SGCZ: variants seen among roughly 807,000 people sequenced by gnomAD.
The protein encoded by SGCZ is sarcoglycan zeta.
SGCZ carries 40 observed loss-of-function variants against 41.3 expected under a neutral mutation model. The ratio of observed to expected loss-of-function variants is 0.97; its 90% CI spans 0.75 to 1.26. SGCZ has a LOEUF of 1.26. Among genes scored for constraint, SGCZ ranks in the 50% most tolerant of loss-of-function variants. SGCZ has a pLI of 0.00. For synonymous variants in SGCZ, 206 were observed against 137.5 expected, an observed-to-expected ratio of 1.50 and a Z score of -3.49; for missense variants, 552 against 369.8, an observed-to-expected ratio of 1.49 and a Z score of -4.04.
At chr8:15,103,296 G>A (rs1463867046) in intron 1 of SGCZ, among the ~76,000 whole-genome samples, 1 of 152,100 alleles carries the variant, frequency 6.6e-6, no homozygotes, top group Admixed American at 6.5e-5. Flanking sequence ...AGCTACTGGG[G>A]AGGCTGAGGC....
chr8:14,342,319 CT>C (rs943224546), intron 2 of SGCZ, among the ~76,000 whole-genome samples: 6 of 151,344 alleles, frequency 4.0e-5, no homozygotes, highest in African/African-American at 1.2e-4. Context: ...GAAGAAATTT[CT>C]TTTTTTTTCT....
chr8:14,775,501 ACACAGGGGG>A (rs1800376458), intron 1 of SGCZ, among the ~76,000 whole-genome samples: 1 of 143,016 alleles, frequency 7.0e-6, no homozygotes, highest in East Asian at 2.0e-4. Flanking sequence ...GTGTGTGTGT[ACACAGGGGG>A]GAATAGAGAT....
intron 1 of SGCZ, among the ~76,000 whole-genome samples, chr8:14,726,067 G>T (rs769640133): frequency 6.6e-5 from 10 of 151,698 alleles, no homozygotes; most frequent in Non-Finnish European, 1.0e-4. Context: ...GACCATCCTG[G>T]CTAACACTGT....
At chr8:14,434,942 G>A (rs1044699076) in intron 2 of SGCZ, among the ~76,000 whole-genome samples, 45 of 151,888 alleles carry the variant, frequency 3.0e-4, no homozygotes, top group African/African-American at 1.1e-3. Context: ...CATCTTTTGG[G>A]GAGTTGATCT....
chr8:15,145,972 T>A (rs1799024697), intron 1 of SGCZ, among the ~76,000 whole-genome samples: 1 of 151,868 alleles, frequency 6.6e-6, no homozygotes, highest in Admixed American at 6.6e-5. Context: ...GGTGAGGGGG[T>A]AACAGTAGAG....
At chr8:14,117,549 C>A (rs771001312) in intron 5 of SGCZ, among the ~76,000 whole-genome samples, 1 of 150,856 alleles carries the variant, frequency 6.6e-6, no homozygotes, top group Non-Finnish European at 1.5e-5. Flanking sequence ...AAATACCTTT[C>A]CAGAGAATTG....
intron 1 of SGCZ, among the ~76,000 whole-genome samples, chr8:14,897,408 AG>A (rs1409701667): frequency 6.6e-6 from 1 of 152,192 alleles, no homozygotes; most frequent in African/African-American, 2.4e-5. Flanking sequence ...TGTAACGTTT[AG>A]CCCTTCCTCT....
At chr8:14,870,578 T>G (rs1225072510) in intron 1 of SGCZ, among the ~76,000 whole-genome samples, 1 of 151,908 alleles carries the variant, frequency 6.6e-6, no homozygotes, top group Admixed American at 6.6e-5. Context: ...AAGCCAAAAT[T>G]GACAAATAGG....
intron 1 of SGCZ, among the ~76,000 whole-genome samples, chr8:15,021,704 T>G (rs1803255054): frequency 6.6e-6 from 1 of 152,226 alleles, no homozygotes; most frequent in Non-Finnish European, 1.5e-5. Flanking sequence ...TCCAGTGACT[T>G]CCATTGATTA....
intron 2 of SGCZ, among the ~76,000 whole-genome samples, chr8:14,386,036 T>C (rs1418038067): frequency 1.3e-5 from 2 of 152,212 alleles, no homozygotes; most frequent in East Asian, 1.9e-4. Context: ...TTATTCTTTA[T>C]TGTTTATTGT....
At chr8:14,148,801 A>C (rs1803606291) in intron 5 of SGCZ, among the ~76,000 whole-genome samples, 2 of 152,138 alleles carry the variant, frequency 1.3e-5, no homozygotes, top group African/African-American at 4.8e-5. Context: ...AAATACTAGC[A>C]AACTGAATTC....
rs528323193 is a variant in SGCZ, at chr8:14,427,491, G to A, written c.235-103287C>T. On this transcript the variant is annotated intron_variant, in intron 2 of 7. Coordinates refer to ENST00000382080, the MANE Select transcript of SGCZ (RefSeq NM_139167.4). ...ATCTTTCTCCCGGTATATTTTAGGG[G>A]GGTTCCCACTCCCCACTCGTTGCGT... 2.1e-3 allele frequency among the ~76,000 whole-genome samples: 326 copies of A among 151,808 alleles called. 1 individual carries two copies. Among genetic ancestry groups the A allele is most frequent in the Non-Finnish European group, 3.5e-3 (238 of 67,932 alleles).
At chr8:14,533,225 A>G (rs1217706319) in intron 2 of SGCZ, among the ~76,000 whole-genome samples, 2 of 151,236 alleles carry the variant, frequency 1.3e-5, no homozygotes, top group African/African-American at 2.4e-5. Flanking sequence ...ATTCCCACCT[A>G]TGAGTGAGAA....
intron 3 of SGCZ, among the ~76,000 whole-genome samples, chr8:14,266,528 A>G (rs1483881491): frequency 1.3e-5 from 2 of 152,182 alleles, no homozygotes; most frequent in Admixed American, 1.3e-4. Flanking sequence ...TGTCTGCACT[A>G]GGAACAGATT....
intron 3 of SGCZ, among the ~76,000 whole-genome samples, chr8:14,285,121 C>T (rs552724833): frequency 7.9e-5 from 12 of 152,164 alleles, no homozygotes; most frequent in African/African-American, 2.4e-4. Flanking sequence ...TAAATCTCAA[C>T]TTTGCCTGGT....
At chr8:14,316,854 C>CACACAT (rs1491271939) in intron 3 of SGCZ, among the ~76,000 whole-genome samples, 2 of 149,922 alleles carry the variant, frequency 1.3e-5, no homozygotes, top group Non-Finnish European at 1.5e-5. Flanking sequence ...CACACACACA[C>CACACAT]GCCCTGCACT....
At chr8:14,280,340 G>A (rs1800379409) in intron 3 of SGCZ, among the ~76,000 whole-genome samples, 1 of 151,774 alleles carries the variant, frequency 6.6e-6, no homozygotes, top group African/African-American at 2.4e-5. Flanking sequence ...ATATATAACA[G>A]CAGAGTAAGA....
intron 3 of SGCZ, among the ~76,000 whole-genome samples, chr8:14,257,974 G>A (rs1432350413): frequency 1.3e-5 from 2 of 152,122 alleles, no homozygotes; most frequent in East Asian, 1.9e-4. Context: ...ATTTGCTGCA[G>A]TGTCTCGAAG....
chr8:14,445,703 C>T (rs939544499), intron 2 of SGCZ, among the ~76,000 whole-genome samples: 7 of 152,150 alleles, frequency 4.6e-5, no homozygotes, highest in African/African-American at 1.7e-4. Context: ...TGCTATCACA[C>T]CAACTATTCA....
Sources: allele counts gnomAD v4.1 joint callset (sites outside exome capture counted in the v4.1 genomes callset), GRCh38; gene constraint gnomAD v4.1.1; transcripts MANE v1.5; gene names NCBI Gene and HGNC (gene_info 2026-07-23, HGNC 2026-07-21).